Variants in RSPRY1 observed in about 807,000 individuals in gnomAD.
RSPRY1 encodes RING finger and SPRY domain-containing protein 1.
In RSPRY1, 23 loss-of-function variants were observed where a neutral mutation model predicts 73.1. The ratio of observed to expected loss-of-function variants is 0.31; its 90% CI spans 0.23 to 0.45. The LOEUF is 0.45. RSPRY1 is among the 20% of genes least tolerant of loss of function. The probability of loss-of-function intolerance (pLI) is 1.00; values close to 1 mark genes in which losing one functional copy is unlikely to be tolerated. For synonymous variants in RSPRY1, 226 were observed against 251.4 expected, an observed-to-expected ratio of 0.90 and a Z score of 0.95; for missense variants, 448 against 698.7, an observed-to-expected ratio of 0.64 and a Z score of 4.05.
chr16:57,224,916 G>A (rs530739772), intron 10 of RSPRY1, among the ~76,000 whole-genome samples: 1 of 152,364 alleles, frequency 6.6e-6, no homozygotes, highest in African/African-American at 2.4e-5. Flanking sequence ...CAGGACATTA[G>A]AAGGTGAAGA....
chr16:57,202,004 A>G (rs1274253291), intron 1 of RSPRY1, among the ~76,000 whole-genome samples: 1 of 152,054 alleles, frequency 6.6e-6, no homozygotes, highest in African/African-American at 2.4e-5. Context: ...CAGTTTACTC[A>G]TTTTGAAATA....
intron 1 of RSPRY1, among the ~76,000 whole-genome samples, chr16:57,201,639 A>G (rs2074610905): frequency 6.6e-6 from 1 of 152,224 alleles, no homozygotes; most frequent in Non-Finnish European, 1.5e-5. Flanking sequence ...TCGAGCCGAG[A>G]TCACGCCACT....
At chr16:57,224,808 A>T (rs1448143017) in intron 10 of RSPRY1, among the ~76,000 whole-genome samples, 2 of 152,242 alleles carry the variant, frequency 1.3e-5, no homozygotes, top group Non-Finnish European at 2.9e-5. Context: ...GTCATCAAAG[A>T]CATTGCATGG....
At chr16:57,203,955 ACT>A (rs1418499416) in intron 1 of RSPRY1, among the ~76,000 whole-genome samples, 2 of 151,680 alleles carry the variant, frequency 1.3e-5, no homozygotes, top group Non-Finnish European at 1.5e-5. Flanking sequence ...CCAATGGGAA[ACT>A]CTATCCTTTT....
At chr16:57,200,686 A>C (rs1241282434) in intron 1 of RSPRY1, among the ~76,000 whole-genome samples, 1 of 107,316 alleles carries the variant, frequency 9.3e-6, no homozygotes, top group East Asian at 3.5e-4. Flanking sequence ...TCCCTCCCGG[A>C]CGGGGCGGCT....
chr16:57,234,080 C>T (rs2075266531), intron 13 of RSPRY1, among the ~76,000 whole-genome samples: 1 of 152,176 alleles, frequency 6.6e-6, no homozygotes, highest in African/African-American at 2.4e-5. Context: ...TGTCCTCTCC[C>T]TTCCCTATGT....
chr16:57,235,223 A>C lies in RSPRY1; in HGVS notation c.1629A>C (p.Gly543=). ...EVADTQLKPC[G]HSDLCMDCAL... ...CAGACACACAATTGAAGCCATGTGG[A>C]CACAGGTAAGAGGATTTATATTAGG... Residue 543 remains glycine (G), a synonymous_variant, in exon 14 of 15, where the codon GGA becomes GGC. Coordinates refer to ENST00000394420, the MANE Select transcript of RSPRY1 (RefSeq NM_133368.3). 1 of 1,610,274 alleles carries C rather than the reference A, an allele frequency of 6.2e-7. No individual in the cohort carries two copies. Among genetic ancestry groups the C allele is most frequent in the Non-Finnish European group, 8.5e-7 (1 of 1,176,462 alleles).
intron 11 of RSPRY1, among the ~76,000 whole-genome samples, chr16:57,229,297 C>T (rs926305938): frequency 5.3e-5 from 8 of 152,150 alleles, no homozygotes; most frequent in African/African-American, 1.9e-4. Flanking sequence ...ATTTGTTTAT[C>T]TCATCTTTCA....
rs767751415 is a variant in RSPRY1 at position 57,209,141 on chromosome 16, C to T, written c.470C>T (p.Pro157Leu). Residue 157 changes from proline (P) to leucine (L), a missense_variant, in exon 4 of 15, where the codon CCA (proline) becomes CTA (leucine). Physicochemically the swap from Pro to Leu is moderately conservative, Grantham distance 98. Transcript: ENST00000394420. The stretch of plus-strand genomic sequence containing the variant: ...ATTCCACTGGAAGATCCACTGGGAC[C>T]AGCTGTTATAACATTGTTACTAGAT... ...RVIPLEDPLG[P>L]AVITLLLDEC... 4 of 1,612,972 alleles carry T rather than the reference C, an allele frequency of 2.5e-6. No individual in the cohort carries two copies. Among genetic ancestry groups the T allele is most frequent in the African/African-American group, 2.7e-5 (2 of 74,822 alleles).
At chr16:57,188,990 CTTT>C (rs111782511) in intron 1 of RSPRY1, among the ~76,000 whole-genome samples, 3 of 121,420 alleles carry the variant, frequency 2.5e-5, no homozygotes, top group Admixed American at 8.3e-5. Flanking sequence ...TACTCAGTGA[CTTT>C]TTTTTTTTTT....
At chr16:57,189,445 G>C (rs1250106713) in intron 1 of RSPRY1, among the ~76,000 whole-genome samples, 1 of 151,566 alleles carries the variant, frequency 6.6e-6, no homozygotes, top group Non-Finnish European at 1.5e-5. Context: ...GTGTTAATCT[G>C]TAGTGAATCA....
intron 11 of RSPRY1, among the ~76,000 whole-genome samples, chr16:57,229,720 T>TTG (rs2075179765): frequency 1.7e-5 from 2 of 117,456 alleles, no homozygotes; most frequent in Admixed American, 8.9e-5. Flanking sequence ...TTTTTTTTTT[T>TTG]TTTGAGATGC....
intron 1 of RSPRY1, among the ~76,000 whole-genome samples, chr16:57,204,261 C>T (rs758953343): frequency 6.6e-6 from 1 of 151,982 alleles, no homozygotes; most frequent in African/African-American, 2.4e-5. Context: ...TCAATGATAA[C>T]TCCTCTGGTC....
intron 2 of RSPRY1, 97 bp downstream of exon 2, chr16:57,205,105 G>A (rs1319397909): frequency 1.2e-5 from 10 of 836,522 alleles, no homozygotes; most frequent in East Asian, 8.0e-5. Context: ...GGACATACTC[G>A]CCAAGCCTTG....
At chr16:57,211,093 C>G (rs1012794773) in intron 4 of RSPRY1, among the ~76,000 whole-genome samples, 2 of 152,134 alleles carry the variant, frequency 1.3e-5, no homozygotes, top group Admixed American at 1.3e-4. Context: ...TTTCTCTAAG[C>G]AATTTCCTCA....
At position 57,230,955 on chromosome 16, in the gene RSPRY1, C is replaced by G. The variant is rs565568243; in HGVS notation, c.1376+142C>G. On this transcript the variant is annotated intron_variant, in intron 12 of 14. Coordinates refer to ENST00000394420, the MANE Select transcript of RSPRY1 (RefSeq NM_133368.3). ...TCAAGTGATTGGGAACCCATTTGAT[C>G]AGACCTAAAACTATCCCAAAGTTTG... 4 of 703,774 alleles carry G rather than the reference C, an allele frequency of 5.7e-6. No individual in the cohort carries two copies. The East Asian group carries it at 8.1e-5, about 14-fold the overall frequency. 43.6% of individuals were successfully genotyped at this position (703,774 alleles called of 1,614,324 possible). A position where few individuals can be genotyped will look rare whatever the true frequency, so the allele number is the denominator to read the frequency against.
At chr16:57,216,472 CT>C (rs1398160336) in intron 7 of RSPRY1, 1 of 371,502 alleles carries the variant, frequency 2.7e-6, no homozygotes, top group Non-Finnish European at 4.8e-6. Context: ...AATCCCAGCA[CT>C]TTGGGAAGCT....
chr16:57,207,451 A>C (rs1214117737), intron 2 of RSPRY1: 3 of 338,864 alleles, frequency 8.9e-6, no homozygotes, highest in Non-Finnish European at 1.8e-5. Flanking sequence ...GACTTTTTAA[A>C]GATTTCTGGG....
chr16:57,220,642 T>C, intron 8 of RSPRY1, 90 bp from the exon 9 acceptor site: 1 of 708,646 alleles, frequency 1.4e-6, no homozygotes, highest in Non-Finnish European at 2.5e-6. Context: ...CTTTATTTCT[T>C]CCTCTTGTCT....
Sources: allele counts gnomAD v4.1 joint callset (sites outside exome capture counted in the v4.1 genomes callset), GRCh38; gene constraint gnomAD v4.1.1; transcripts MANE v1.5; gene names NCBI Gene and HGNC (gene_info 2026-07-23, HGNC 2026-07-21).